The following SGCZ variants were observed in gnomAD, a reference collection of about 807,000 sequenced individuals.
SGCZ encodes zeta-sarcoglycan.
Under a neutral mutation model 41.3 loss-of-function variants are expected in SGCZ, and 40 were observed. The ratio of observed to expected loss-of-function variants is 0.97; its 90% CI spans 0.75 to 1.26. The LOEUF (loss-of-function observed/expected upper bound fraction) is 1.26. Ranked by LOEUF, SGCZ falls within the 50% of genes most tolerant of loss-of-function variation. The pLI is 0.00. For missense variants in SGCZ, 552 were observed against 369.8 expected (o/e 1.49, Z -4.04); for synonymous variants, 206 against 137.5 (o/e 1.50, Z -3.49).
intron 4 of SGCZ, among the ~76,000 whole-genome samples, chr8:14,171,318 A>G (rs1304161767): frequency 6.6e-6 from 1 of 151,966 alleles, no homozygotes; most frequent in Non-Finnish European, 1.5e-5. Flanking sequence ...TTCAAATAAC[A>G]TCTTAAAAAG....
chr8:15,162,018 G>C (rs1411037270), intron 1 of SGCZ, among the ~76,000 whole-genome samples: 2 of 152,178 alleles, frequency 1.3e-5, no homozygotes, highest in Non-Finnish European at 2.9e-5. Context: ...GTAACAGCGT[G>C]AAAAGAGGCA....
rs117080983 is a variant in SGCZ at position 15,113,136 on chromosome 8, G to A, written c.39+124449C>T. Among the ~76,000 whole-genome samples, 135 of 151,410 alleles carry A rather than the reference G, an allele frequency of 8.9e-4. 1 individual carries two copies. In the East Asian group the frequency reaches 0.025, roughly 28 times the overall value. On this transcript the variant is annotated intron_variant, in intron 1 of 7. Transcript: ENST00000382080. ...AGGTGGGAGCAGCGCTTGAGTCCAG[G>A]AGGTCGAGGATGCAGTGAGCCATAA... is the stretch of plus-strand genomic sequence containing the variant.
At chr8:14,610,018 TGC>T (rs1317255612) in intron 1 of SGCZ, among the ~76,000 whole-genome samples, 1 of 152,204 alleles carries the variant, frequency 6.6e-6, no homozygotes, top group Non-Finnish European at 1.5e-5. Context: ...AGATTTCAAC[TGC>T]TACGATCTTA....
At chr8:14,682,571 A>G (rs1466876453) in intron 1 of SGCZ, among the ~76,000 whole-genome samples, 1 of 151,666 alleles carries the variant, frequency 6.6e-6, no homozygotes. Context: ...AGTAGCTGGG[A>G]CTACAGGCGC....
intron 1 of SGCZ, among the ~76,000 whole-genome samples, chr8:15,127,044 T>C (rs955637891): frequency 6.6e-6 from 1 of 152,228 alleles, no homozygotes; most frequent in African/African-American, 2.4e-5. Context: ...TTGGCTGGAA[T>C]GCATAAGGAT....
chr8:14,268,939 A>G lies in SGCZ; in HGVS notation c.337-31260T>C, dbSNP rs571519287. 1.7e-4 allele frequency among the ~76,000 whole-genome samples: 26 copies of G among 151,914 alleles called. No individual in the cohort carries two copies. The South Asian group carries it at 5.4e-3, about 31-fold the overall frequency. On this transcript the variant is annotated intron_variant, in intron 3 of 7. Transcript: ENST00000382080. ...ATACATATTTTTATTTCAAATTATT[A>G]AGTATATATCTTAAGTGCCATTACA...
intron 1 of SGCZ, among the ~76,000 whole-genome samples, chr8:14,654,115 A>T (rs2117463494): frequency 6.6e-6 from 1 of 152,218 alleles, no homozygotes; most frequent in Middle Eastern, 3.4e-3. Flanking sequence ...TTGCATATAT[A>T]TATATACACA....
chr8:14,834,008 A>T (rs1432727191), intron 1 of SGCZ, among the ~76,000 whole-genome samples: 1 of 152,188 alleles, frequency 6.6e-6, no homozygotes, highest in Non-Finnish European at 1.5e-5. Flanking sequence ...TAATTCCTAA[A>T]ATAGTATAAT....
At chr8:14,247,608 GA>G (rs1187402885) in intron 3 of SGCZ, among the ~76,000 whole-genome samples, 1 of 152,184 alleles carries the variant, frequency 6.6e-6, no homozygotes, top group Non-Finnish European at 1.5e-5. Context: ...TTAGTCAGAT[GA>G]AAAGATGCTT....
At chr8:15,031,902 C>CCT (rs751690018) in intron 1 of SGCZ, among the ~76,000 whole-genome samples, 9,254 of 130,672 alleles carry the variant, frequency 0.071, 385 homozygotes, top group Middle Eastern at 0.12. Context: ...CCTCTATATT[C>CCT]CTCTCTCTCT....
chr8:14,718,287 C>T (rs1563222721), intron 1 of SGCZ, among the ~76,000 whole-genome samples: 1 of 151,648 alleles, frequency 6.6e-6, no homozygotes, highest in Non-Finnish European at 1.5e-5. Context: ...ATTCAGGAGA[C>T]AGCTGCTATA....
chr8:14,581,444 T>G (rs1461535135), intron 1 of SGCZ, among the ~76,000 whole-genome samples: 1 of 151,710 alleles, frequency 6.6e-6, no homozygotes, highest in African/African-American at 2.4e-5. Context: ...TTTGTTTGTT[T>G]TTTTGTTTTT....
intron 1 of SGCZ, among the ~76,000 whole-genome samples, chr8:15,061,740 G>T (rs1348333065): frequency 6.6e-6 from 1 of 151,956 alleles, no homozygotes. Context: ...CCAGTGCCTT[G>T]CTCAATGACT....
intron 1 of SGCZ, among the ~76,000 whole-genome samples, chr8:15,001,966 G>C (rs1802440820): frequency 6.6e-6 from 1 of 152,080 alleles, no homozygotes; most frequent in South Asian, 2.1e-4. Context: ...TGAATAAAGA[G>C]CGAAGAAGAT....
At chr8:14,235,902 C>G (rs78442806) in intron 4 of SGCZ, among the ~76,000 whole-genome samples, 2 of 152,124 alleles carry the variant, frequency 1.3e-5, no homozygotes, top group African/African-American at 4.8e-5. Flanking sequence ...ACAGGATGAT[C>G]TCGATTTCTT....
At chr8:14,476,429 C>G (rs1801362602) in intron 2 of SGCZ, among the ~76,000 whole-genome samples, 1 of 151,878 alleles carries the variant, frequency 6.6e-6, no homozygotes, top group African/African-American at 2.4e-5. Context: ...GTCTATTTCT[C>G]TGGAGAACCC....
chr8:14,745,244 T>C (rs1799309830), intron 1 of SGCZ, among the ~76,000 whole-genome samples: 1 of 152,000 alleles, frequency 6.6e-6, no homozygotes, highest in African/African-American at 2.4e-5. Flanking sequence ...ACACATGTGT[T>C]AGTTGCCACC....
At chr8:15,001,340 T>G (rs1320867597) in intron 1 of SGCZ, among the ~76,000 whole-genome samples, 1 of 152,170 alleles carries the variant, frequency 6.6e-6, no homozygotes, top group African/African-American at 2.4e-5. Context: ...GAGCTGCCTT[T>G]GGGAGTTTCT....
At chr8:14,844,090 A>T (rs1249873633) in intron 1 of SGCZ, among the ~76,000 whole-genome samples, 2 of 151,946 alleles carry the variant, frequency 1.3e-5, no homozygotes, top group African/African-American at 4.8e-5. Flanking sequence ...GACCCTTGGT[A>T]TTCATGGTTT....
Sources: gnomAD v4.1 joint callset for allele counts (sites outside exome capture counted in the v4.1 genomes callset) on GRCh38, gnomAD v4.1.1 for gene constraint, MANE v1.5 for transcripts, NCBI Gene and HGNC (gene_info 2026-07-23, HGNC 2026-07-21) for gene names.